MACF1: variants seen among roughly 807,000 people sequenced by gnomAD.
The protein encoded by MACF1 is microtubule actin crosslinking factor 1.
A neutral mutation model predicts 854.8 loss-of-function variants in MACF1; 193 were observed. That is an observed-to-expected ratio of 0.23 (90% confidence interval 0.20 to 0.25). The LOEUF is 0.25. Among genes scored for constraint, MACF1 ranks in the 10% least tolerant of loss-of-function variants. The pLI, the probability that MACF1 is intolerant of heterozygous loss-of-function variation, is 1.00. For synonymous variants in MACF1, 3,185 were observed against 3,226.7 expected, an observed-to-expected ratio of 0.99 and a Z score of 0.44; for missense variants, 7,722 against 8,929.1, an observed-to-expected ratio of 0.86 and a Z score of 5.45.
chr1:39,477,021 T>C (rs1352507296), intron 97 of MACF1, among the ~76,000 whole-genome samples: 1 of 135,408 alleles, frequency 7.4e-6, no homozygotes. Flanking sequence ...TAGATATATA[T>C]ACACACACAT....
rs766786661 is a variant in MACF1, at chr1:39,334,190, A to G, written c.7602A>G (p.Lys2534=). 2 of 1,614,120 alleles carry G rather than the reference A, an allele frequency of 1.2e-6. No homozygotes were observed. Among genetic ancestry groups the G allele is most frequent in the Admixed American group, 3.3e-5 (2 of 60,012 alleles). Residue 2534 remains lysine (K), a synonymous_variant, in exon 37 of 101, where the codon AAA becomes AAG. Coordinates refer to ENST00000564288, the MANE Select transcript of MACF1 (RefSeq NM_001394062.1). The part of the protein sequence containing the change: ...HGLIGEDLAE[K]LKRVENLNIH... ...TAATTGGTGAAGATTTAGCCGAGAA[A>G]CTCAAAAGAGTTGAGAACTTAAACA...
At position 39,451,149 on chromosome 1, in the gene MACF1, G is replaced by T; in HGVS notation, c.20356G>T (p.Ala6786Ser). 6.2e-7 allele frequency: 1 copy of T among 1,614,164 alleles called. No homozygotes were observed. The highest frequency in any genetic ancestry group is 8.5e-7 in the Non-Finnish European group (1 of 1,180,018). The change falls in exon 85 of 101, where the codon GCT becomes TCT. Residue 6786 changes from alanine (A) to serine (S), a missense_variant. This residue lies in a region of MACF1 where 729 missense variants were observed against 900.5 expected (regional missense o/e 0.81). Coordinates refer to ENST00000564288, the MANE Select transcript of MACF1 (RefSeq NM_001394062.1). The stretch of plus-strand genomic sequence containing the variant: ...GTTATACAAGGTGGAGCCACAGCTG[G>T]CTGAGGACCAGCCCGTGCACGGGGA... ...DWLYKVEPQL[A>S]EDQPVHGDLD...
At chr1:39,422,603 G>C in intron 59 of MACF1, 68 bp downstream of exon 59, 1 of 1,549,384 alleles carries the variant, frequency 6.5e-7, no homozygotes, top group Non-Finnish European at 8.7e-7. Flanking sequence ...CTGAATCTAA[G>C]GTTTCCCGAA....
intron 85 of MACF1, among the ~76,000 whole-genome samples, chr1:39,451,525 C>G (rs779509246): frequency 6.6e-6 from 1 of 152,134 alleles, no homozygotes; most frequent in Non-Finnish European, 1.5e-5. Context: ...GCCATTTCCA[C>G]TGACTCCTAA....
intron 98 of MACF1, 33 bp downstream of exon 98, chr1:39,480,042 C>T: frequency 7.3e-7 from 1 of 1,364,996 alleles, no homozygotes; most frequent in African/African-American, 1.4e-5. Flanking sequence ...CCCTTCTTCC[C>T]CAATCCCACC....
intron 2 of MACF1, among the ~76,000 whole-genome samples, chr1:39,093,113 C>T (rs1464148308): frequency 6.6e-6 from 1 of 151,806 alleles, no homozygotes; most frequent in African/African-American, 2.4e-5. Context: ...TCTTACTCAA[C>T]AATCAACACA....
At chr1:39,307,901 C>CTTTCTTTTTTTTTTTTTT (rs1222230255) in intron 23 of MACF1, among the ~76,000 whole-genome samples, 3 of 50,392 alleles carry the variant, frequency 6.0e-5, no homozygotes, top group Admixed American at 3.0e-4. Context: ...TTCTTTCTTT[C>CTTTCTTTTTTTTTTTTTT]TTTTTTTTTT....
intron 38 of MACF1, among the ~76,000 whole-genome samples, chr1:39,339,489 T>C (rs59158195): frequency 6.6e-6 from 1 of 152,088 alleles, no homozygotes; most frequent in Non-Finnish European, 1.5e-5. Flanking sequence ...ATTGGTGACT[T>C]TGAACAGTTT....
intron 2 of MACF1, among the ~76,000 whole-genome samples, chr1:39,100,741 C>T (rs889871314): frequency 6.6e-6 from 1 of 151,722 alleles, no homozygotes; most frequent in Admixed American, 6.6e-5. Flanking sequence ...GTAATCCCAG[C>T]TACTCGAGAG....
At position 39,433,140 on chromosome 1, in the gene MACF1, A is replaced by G. The variant is rs980402828; in HGVS notation, c.17550A>G (p.Gln5850=). 6.2e-7 allele frequency: 1 copy of G among 1,600,304 alleles called. No homozygotes were observed. Among genetic ancestry groups the G allele is most frequent in the Non-Finnish European group, 8.6e-7 (1 of 1,169,212 alleles). ...TCTTTGGCACATGTGGGGAGGAGCA[A>G]AAAACTGTATTACAGGTGAATTACA... ...SEIFGTCGEE[Q]KTVLQEKTES... Residue 5850 remains glutamine, a synonymous_variant, in exon 68 of 101, where the codon CAA becomes CAG. Transcript: ENST00000564288.
At chr1:39,168,970 A>G in intron 2 of MACF1, among the ~76,000 whole-genome samples, 1 of 152,126 alleles carries the variant, frequency 6.6e-6, no homozygotes, top group East Asian at 1.9e-4. Flanking sequence ...TGGCTTTTCT[A>G]TCCTAGTCCC....
Position 39,316,502 on chromosome 1 carries a change from T to C in MACF1, c.3561T>C (p.Ala1187=). Residue 1187 remains alanine (A), a synonymous_variant, in exon 28 of 101, where the codon GCT becomes GCC. Transcript: ENST00000564288. ...QEEVVLADLS[A]LEAHWSTLRH... ...AAGTAGTACTGGCAGATCTCTCAGCTCTGGAGGCCCATTGGTCGACATTAC... is the reference window on the plus strand; with the variant it reads ...AAGTAGTACTGGCAGATCTCTCAGCCCTGGAGGCCCATTGGTCGACATTAC... 6.2e-7 allele frequency: 1 copy of C among 1,613,802 alleles called. No individual in the cohort carries two copies. The highest frequency in any genetic ancestry group is 1.7e-4 in the Middle Eastern group (1 of 6,060).
rs944024335 is a variant in MACF1, at chr1:39,333,249, G to A, written c.6661G>A (p.Val2221Ile). 6 of 1,613,700 alleles carry A rather than the reference G, an allele frequency of 3.7e-6. No individual in the cohort carries two copies. The highest frequency in any genetic ancestry group is 1.7e-5 in the Admixed American group (1 of 59,932). The change falls in exon 37 of 101, where the codon GTT becomes ATT. Residue 2221 changes from valine to isoleucine, a missense_variant. Coordinates refer to ENST00000564288, the MANE Select transcript of MACF1 (RefSeq NM_001394062.1). The part of the protein sequence containing the change: ...LELKSETDGN[V>I]HPLDKKEMLK... ...ACTAAAGTCTGAAACTGATGGGAAT[G>A]TTCATCCTCTGGACAAAAAGGAAAT...
intron 58 of MACF1, among the ~76,000 whole-genome samples, chr1:39,393,976 T>A (rs932626362): frequency 1.3e-5 from 2 of 151,898 alleles, no homozygotes; most frequent in African/African-American, 4.8e-5. Context: ...CTCTTTAGGG[T>A]CTGCGAGTTT....
At chr1:39,261,796 C>A (rs1200906762) in intron 6 of MACF1, among the ~76,000 whole-genome samples, 6 of 152,104 alleles carry the variant, frequency 3.9e-5, no homozygotes, top group African/African-American at 1.2e-4. Context: ...GTTTTCATTT[C>A]TCTTGTGTAT....
chr1:39,249,464 ATC>A (rs1175757390), intron 2 of MACF1, among the ~76,000 whole-genome samples: 1 of 152,216 alleles, frequency 6.6e-6, no homozygotes, highest in Non-Finnish European at 1.5e-5. Context: ...CCAAAGTGAG[ATC>A]TGTTTTTCCA....
chr1:39,357,725 G>A lies in MACF1; in HGVS notation c.11775G>A (p.Glu3925=). Residue 3925 remains glutamate, a synonymous_variant, in exon 45 of 101, where the codon GAG becomes GAA. Transcript: ENST00000564288. ...SLLKRQGSFS[E]DVISHKGDLR... The stretch of plus-strand genomic sequence containing the variant: ...TAAAGCGGCAAGGAAGCTTCTCAGA[G>A]GATGTCATTTCCCACAAAGGAGACT... 6.2e-7 allele frequency: 1 copy of A among 1,614,148 alleles called. No individual in the cohort carries two copies. The highest frequency in any genetic ancestry group is 8.5e-7 in the Non-Finnish European group (1 of 1,180,022).
intron 2 of MACF1, among the ~76,000 whole-genome samples, chr1:39,099,279 C>T (rs1642008440): frequency 6.6e-6 from 1 of 152,154 alleles, no homozygotes; most frequent in Admixed American, 6.5e-5. Context: ...CCTCAGCCTC[C>T]CAAGTAGCTG....
Position 39,340,555 on chromosome 1 carries a change from G to T in MACF1, c.10269G>T (p.Glu3423Asp). The stretch of plus-strand genomic sequence containing the variant: ...CCACCTTGGTCAGTCAGGAGCTGGA[G>T]TGTGTGAATCAGATTATCATCAGCC... Reference protein sequence around the residue: ...DLTTLVSQELECVNQIIISQP... With the variant: ...DLTTLVSQELDCVNQIIISQP... The change falls in exon 39 of 101, where the codon GAG (glutamate) becomes GAT (aspartate). Residue 3423 changes from glutamate (E) to aspartate (D), a missense_variant. By Grantham distance (45) the Glu-to-Asp change is conservative (BLOSUM62 2). Coordinates refer to ENST00000564288, the MANE Select transcript of MACF1 (RefSeq NM_001394062.1). The T allele has an allele frequency of 6.2e-7, 1 of 1,614,086 alleles. No homozygotes were observed. Among genetic ancestry groups the T allele is most frequent in the Non-Finnish European group, 8.5e-7 (1 of 1,180,024 alleles).
Sources: gnomAD v4.1 joint callset for allele counts (sites outside exome capture counted in the v4.1 genomes callset) on GRCh38, gnomAD v4.1.1 for gene constraint, gnomAD v4.1.1 regional missense constraint, MANE v1.5 for transcripts, NCBI Gene and HGNC (gene_info 2026-07-23, HGNC 2026-07-21) for gene names.